Variants in TNS4 observed in about 807,000 individuals in gnomAD.
TNS4 encodes the protein tensin-4.
A neutral mutation model predicts 70.4 loss-of-function variants in TNS4; 46 were observed. That is an observed-to-expected ratio of 0.65 (90% CI 0.52 to 0.84). The LOEUF (loss-of-function observed/expected upper bound fraction) is 0.84. TNS4 is among the 40% of genes least tolerant of loss of function. The pLI is 0.00. For synonymous variants in TNS4, 390 were observed against 366.6 expected (o/e 1.06, Z -0.73); for missense variants, 863 against 907.0 (o/e 0.95, Z 0.62).
intron 6 of TNS4, among the ~76,000 whole-genome samples, chr17:40,483,148 G>C (rs1238226352): frequency 1.3e-5 from 2 of 152,014 alleles, no homozygotes; most frequent in African/African-American, 4.8e-5. Context: ...TCACTATTTT[G>C]CTCAGGCTGG....
intron 4 of TNS4, 21 bp from the exon 5 acceptor site, chr17:40,485,028 G>C: frequency 6.2e-7 from 1 of 1,611,644 alleles, no homozygotes; most frequent in Non-Finnish European, 8.5e-7. Flanking sequence ...ACAGAGAAGG[G>C]GGACCCTGTA....
At chr17:40,486,995 C>A in intron 4 of TNS4, 41 bp downstream of exon 4, 1 of 1,598,428 alleles carries the variant, frequency 6.3e-7, no homozygotes. Flanking sequence ...TTGTCTATTC[C>A]CCAAATCTTA....
rs2035845993 is a variant in TNS4 at position 40,476,267 on chromosome 17, G to C, written c.*1321C>G. 1 of 152,030 alleles carries C rather than the reference G, an allele frequency of 6.6e-6. No individual in the cohort carries two copies. Among genetic ancestry groups the C allele is most frequent in the Non-Finnish European group, 1.5e-5 (1 of 68,022 alleles). 9.4% of individuals were successfully genotyped at this position (152,030 alleles called of 1,614,324 possible). A position where few individuals can be genotyped will look rare whatever the true frequency, so the allele number is the denominator to read the frequency against. On this transcript the variant is annotated 3_prime_UTR_variant, in exon 13 of 13. Coordinates refer to ENST00000254051, the MANE Select transcript of TNS4 (RefSeq NM_032865.6). ...GGGGGTGGGTGTGGGATAGAGCCCA[G>C]CTCCTCCAAGCCTCTTAGGGAAGCG...
chr17:40,476,506 C>A lies in TNS4; in HGVS notation c.*1082G>T, dbSNP rs1282793816. On this transcript the variant is annotated 3_prime_UTR_variant, in exon 13 of 13. Transcript: ENST00000254051. ...ACAGAGAGATGGCCCTTATCTCTGC[C>A]CCCGCCGCCTAATATGCAACATTAG... The A allele has an allele frequency of 6.6e-6, 1 of 151,664 alleles. No homozygotes were observed. The highest frequency in any genetic ancestry group is 1.5e-5 in the Non-Finnish European group (1 of 68,022). The allele number at this position is 151,664 out of a possible 1,614,324, so 9.4% of individuals were successfully genotyped here. A position where few individuals can be genotyped will look rare whatever the true frequency, so the allele number is the denominator to read the frequency against.
At chr17:40,500,522 G>A (rs2036198564) in intron 1 of TNS4, among the ~76,000 whole-genome samples, 2 of 152,236 alleles carry the variant, frequency 1.3e-5, no homozygotes, top group Admixed American at 6.5e-5. Context: ...TGCTCTATTT[G>A]TAGGTGCCCC....
In TNS4 at chr17:40,476,429, T is replaced by TGTGTGTGG. The variant is rs2035850100; in HGVS notation, c.*1158_*1159insCCACACAC. On this transcript the variant is annotated 3_prime_UTR_variant, in exon 13 of 13. Transcript: ENST00000254051. ...GTGTGTGTGTGTGTGTGTGTGTGTG[T>TGTGTGTGG]TGGAGCGTGGGTTGGGGGAGGGCTC... 1.2e-5 allele frequency: 1 copy of TGTGTGTGG among 81,896 alleles called. No homozygotes were observed. Among genetic ancestry groups the TGTGTGTGG allele is most frequent in the South Asian group, 3.5e-4 (1 of 2,894 alleles). The allele number at this position is 81,896 out of a possible 1,614,324, so 5.1% of individuals were successfully genotyped here. A position where few individuals can be genotyped will look rare whatever the true frequency, so the allele number is the denominator to read the frequency against.
At chr17:40,477,765 C>A (rs748173443) in intron 12 of TNS4, 36 bp from the exon 13 acceptor site, 3 of 1,609,396 alleles carry the variant, frequency 1.9e-6, no homozygotes, top group Non-Finnish European at 2.5e-6. Context: ...AGGGGTGGGA[C>A]CCAGGGAGGC....
Position 40,478,561 on chromosome 17 carries a change from G to A in TNS4, c.1979+19C>T. The A allele has an allele frequency of 2.5e-6, 4 of 1,613,752 alleles. No individual in the cohort carries two copies. Among genetic ancestry groups the A allele is most frequent in the Non-Finnish European group, 3.4e-6 (4 of 1,179,740 alleles). ...GGGCCCTGGACAGCCTTCTTAGTTT[G>A]GCCCAGCCTTGAACTTACTTCCGTT... On this transcript the variant is annotated intron_variant, in intron 11 of 12. Coordinates refer to ENST00000254051, the MANE Select transcript of TNS4 (RefSeq NM_032865.6).
In TNS4 at chr17:40,482,213, G is replaced by A. The variant is rs1165592139; in HGVS notation, c.1595-7C>T. Reference sequence around the variant, plus strand: ...ACGAAGGCAGAGAGGCTCCCTGAAAGGAAGCAAGCAGCCCTGCATGAGTAG... The same window carrying A: ...ACGAAGGCAGAGAGGCTCCCTGAAAAGAAGCAAGCAGCCCTGCATGAGTAG... On this transcript the variant is annotated splice_polypyrimidine_tract_variant and splice_region_variant and intron_variant, in intron 7 of 12. Coordinates refer to ENST00000254051, the MANE Select transcript of TNS4 (RefSeq NM_032865.6). 1 of 1,614,206 alleles carries A rather than the reference G, an allele frequency of 6.2e-7. No homozygotes were observed. Among genetic ancestry groups the A allele is most frequent in the Non-Finnish European group, 8.5e-7 (1 of 1,180,036 alleles).
rs530484043 is a variant in TNS4 at position 40,501,077 on chromosome 17, A to G, written c.-96+457T>C. On this transcript the variant is annotated intron_variant, in intron 1 of 12. Coordinates refer to ENST00000254051, the MANE Select transcript of TNS4 (RefSeq NM_032865.6). ...GAACTCCGCGGTCTGTGATCCTGAGACCATCTCTGTCTCATCCACATCCTC... is the reference window on the plus strand; with the variant it reads ...GAACTCCGCGGTCTGTGATCCTGAGGCCATCTCTGTCTCATCCACATCCTC... Among the ~76,000 whole-genome samples, 3 of 152,280 alleles carry G rather than the reference A, an allele frequency of 2.0e-5. No individual in the cohort carries two copies. The East Asian group carries it at 5.8e-4, about 29-fold the overall frequency.
intron 9 of TNS4, 195 bp from the exon 10 acceptor site, chr17:40,480,037 T>A: frequency 1.5e-6 from 1 of 655,158 alleles, no homozygotes. Context: ...GGATCTTCTG[T>A]GGCTTTGCAT....
intron 2 of TNS4, among the ~76,000 whole-genome samples, chr17:40,491,090 C>A (rs1405459778): frequency 1.3e-5 from 2 of 152,188 alleles, no homozygotes; most frequent in African/African-American, 4.8e-5. Flanking sequence ...GGGTTGGATT[C>A]TTCTGGAAGG....
intron 1 of TNS4, among the ~76,000 whole-genome samples, chr17:40,497,504 G>A (rs1396101152): frequency 6.6e-6 from 1 of 152,194 alleles, no homozygotes; most frequent in African/African-American, 2.4e-5. Context: ...TCAGGAGACT[G>A]GGGCAGGAGG....
At chr17:40,485,149 G>C in intron 4 of TNS4, 142 bp from the exon 5 acceptor site, 1 of 671,406 alleles carries the variant, frequency 1.5e-6, no homozygotes, top group East Asian at 2.8e-5. Flanking sequence ...TAACCCCATT[G>C]TATCTCCAAA....
At chr17:40,482,969 A>G (rs971047685) in intron 6 of TNS4, among the ~76,000 whole-genome samples, 1 of 136,482 alleles carries the variant, frequency 7.3e-6, no homozygotes, top group African/African-American at 2.7e-5. Context: ...TTTTTTTTTT[A>G]GACAGAGTCT....
intron 2 of TNS4, among the ~76,000 whole-genome samples, chr17:40,490,870 T>C (rs942313599): frequency 6.6e-6 from 1 of 152,224 alleles, no homozygotes. Flanking sequence ...AAGGTTGTGA[T>C]GAGGATGAAA....
At chr17:40,497,740 G>A (rs553706043) in intron 1 of TNS4, among the ~76,000 whole-genome samples, 8 of 152,266 alleles carry the variant, frequency 5.3e-5, no homozygotes, top group Non-Finnish European at 1.0e-4. Context: ...GAGATGGGGC[G>A]GGGGAGGCAG....
intron 1 of TNS4, among the ~76,000 whole-genome samples, 163 bp from the exon 2 acceptor site, chr17:40,496,683 C>A (rs1283640545): frequency 3.3e-5 from 5 of 152,218 alleles, no homozygotes; most frequent in African/African-American, 1.2e-4. Flanking sequence ...AGCTGTATAA[C>A]CTTGGGCAAG....
chr17:40,497,267 C>T (rs573051162), intron 1 of TNS4, among the ~76,000 whole-genome samples: 46 of 152,230 alleles, frequency 3.0e-4, no homozygotes, highest in Admixed American at 1.4e-3. Context: ...GAGGTAGCTG[C>T]GCAAGTTGAG....
Sources: allele counts gnomAD v4.1 joint callset (sites outside exome capture counted in the v4.1 genomes callset), GRCh38; gene constraint gnomAD v4.1.1; transcripts MANE v1.5; gene names NCBI Gene and HGNC (gene_info 2026-07-23, HGNC 2026-07-21).